SHISA9: variants seen among roughly 807,000 people sequenced by gnomAD.
SHISA9 encodes the protein shisa family member 9, also known as protein shisa-9.
Under a neutral mutation model 38.0 loss-of-function variants are expected in SHISA9, and 13 were observed. The observed-to-expected ratio is 0.34, with a 90% confidence interval of 0.22 to 0.54. The LOEUF (loss-of-function observed/expected upper bound fraction) is 0.54, where lower values mean the gene tolerates loss of function less well. Ranked by LOEUF, SHISA9 falls within the 20% of genes least tolerant of loss-of-function variation. SHISA9 has a pLI of 0.91. For missense variants in SHISA9, 538 were observed against 575.8 expected, an observed-to-expected ratio of 0.93 and a Z score of 0.67; for synonymous variants, 275 against 242.0, an observed-to-expected ratio of 1.14 and a Z score of -1.27.
chr16:13,075,355 C>T (rs1180466523), intron 2 of SHISA9, among the ~76,000 whole-genome samples: 2 of 152,226 alleles, frequency 1.3e-5, no homozygotes, highest in Admixed American at 6.5e-5. Context: ...GAGAGGCTGG[C>T]TGGCAGGAGG....
downstream of SHISA9, among the ~76,000 whole-genome samples, chr16:13,242,336 G>C (rs1183953062): frequency 2.0e-5 from 3 of 152,210 alleles, no homozygotes; most frequent in African/African-American, 7.2e-5. Context: ...GTAGATCCGA[G>C]GAGATGGGGC....
the SHISA9 span, among the ~76,000 whole-genome samples, chr16:13,456,661 A>G: frequency 1.3e-5 from 2 of 152,198 alleles, no homozygotes; most frequent in Admixed American, 1.3e-4. Flanking sequence ...AGTGTGATTT[A>G]TGATGGAGGC....
chr16:13,099,825 T>A (rs1003364203), intron 2 of SHISA9, among the ~76,000 whole-genome samples: 1 of 152,214 alleles, frequency 6.6e-6, no homozygotes, highest in Non-Finnish European at 1.5e-5. Context: ...CAAGAAGTAA[T>A]GTGATCAGAG....
the SHISA9 span, among the ~76,000 whole-genome samples, chr16:13,511,720 T>C: frequency 6.6e-6 from 1 of 151,590 alleles, no homozygotes; most frequent in Admixed American, 6.6e-5. Flanking sequence ...TGAGATAGAA[T>C]TGGAAGTTCA....
the SHISA9 span, among the ~76,000 whole-genome samples, chr16:13,353,770 A>G: frequency 6.6e-6 from 1 of 152,084 alleles, no homozygotes; most frequent in African/African-American, 2.4e-5. Flanking sequence ...GAGCTTGGTG[A>G]GGTGTGTTTT....
chr16:13,401,407 G>A, the SHISA9 span, among the ~76,000 whole-genome samples: 14 of 152,262 alleles, frequency 9.2e-5, no homozygotes, highest in East Asian at 1.4e-3. Flanking sequence ...CAAGGCCCAC[G>A]CATATTACTT....
chr16:13,055,953 A>T lies in SHISA9; in HGVS notation c.691+139138A>T, dbSNP rs116729038. Among the ~76,000 whole-genome samples the T allele has an allele frequency of 6.0e-3, 916 of 152,270 alleles. 9 individuals carry two copies. Among genetic ancestry groups the T allele is most frequent in the African/African-American group, 0.021 (881 of 41,554 alleles). ...GGGAAGTTGCCAGCTAGATGCACAG[A>T]CTGTTGCTGATGTCACACATGTGGT... is the stretch of plus-strand genomic sequence containing the variant. On this transcript the variant is annotated intron_variant, in intron 2 of 4. Transcript: ENST00000558583.
the SHISA9 span, among the ~76,000 whole-genome samples, chr16:13,466,228 T>A: frequency 6.6e-6 from 1 of 152,174 alleles, no homozygotes; most frequent in Non-Finnish European, 1.5e-5. Flanking sequence ...ACGCGGCCAC[T>A]TGGGGCTTCT....
intron 2 of SHISA9, among the ~76,000 whole-genome samples, chr16:13,099,462 A>G (rs1207265836): frequency 6.6e-6 from 1 of 152,218 alleles, no homozygotes; most frequent in Non-Finnish European, 1.5e-5. Flanking sequence ...TGTAGTTCTG[A>G]GCAGGCTGAG....
chr16:12,955,448 A>G (rs1227578893), intron 2 of SHISA9, among the ~76,000 whole-genome samples: 1 of 152,100 alleles, frequency 6.6e-6, no homozygotes, highest in African/African-American at 2.4e-5. Context: ...CCTAGAGACA[A>G]ACTCATGTCC....
chr16:13,234,343 A>G (rs993105968), intron 4 of SHISA9, among the ~76,000 whole-genome samples: 1 of 152,242 alleles, frequency 6.6e-6, no homozygotes, highest in Admixed American at 6.5e-5. Flanking sequence ...CACTTTACAC[A>G]GATCATATCA....
At chr16:12,940,094 C>A (rs2071589352) in intron 2 of SHISA9, among the ~76,000 whole-genome samples, 1 of 152,188 alleles carries the variant, frequency 6.6e-6, no homozygotes, top group Admixed American at 6.5e-5. Flanking sequence ...TTTAACCCTG[C>A]TGGGGAGGAG....
the SHISA9 span, among the ~76,000 whole-genome samples, chr16:13,272,891 C>T: frequency 7.9e-5 from 12 of 152,190 alleles, no homozygotes; most frequent in East Asian, 1.5e-3. Flanking sequence ...TTCTCTGCAA[C>T]GCTTAGACTT....
intron 2 of SHISA9, among the ~76,000 whole-genome samples, chr16:12,961,363 C>T (rs72782673): frequency 0.19 from 29,326 of 152,038 alleles, 3,478 homozygotes; most frequent in Middle Eastern, 0.35. Context: ...TTTTTCTTGA[C>T]GGCAATGGAG....
At chr16:13,163,860 T>C (rs1218173191) in intron 2 of SHISA9, among the ~76,000 whole-genome samples, 1 of 152,072 alleles carries the variant, frequency 6.6e-6, no homozygotes, top group African/African-American at 2.4e-5. Flanking sequence ...AAATCACTTA[T>C]TAGTTGTAAT....
chr16:12,973,743 T>A (rs2072116810), intron 2 of SHISA9, among the ~76,000 whole-genome samples: 2 of 152,170 alleles, frequency 1.3e-5, no homozygotes, highest in African/African-American at 4.8e-5. Flanking sequence ...TTAAGACTCC[T>A]AGAGGTGGGG....
chr16:13,160,320 A>G (rs1352947604), intron 2 of SHISA9, among the ~76,000 whole-genome samples: 1 of 151,960 alleles, frequency 6.6e-6, no homozygotes, highest in Non-Finnish European at 1.5e-5. Context: ...TGATTTGTTC[A>G]ATCAGATTTC....
the SHISA9 span, among the ~76,000 whole-genome samples, chr16:13,505,668 CA>C: frequency 1.3e-5 from 2 of 152,146 alleles, no homozygotes; most frequent in Non-Finnish European, 1.5e-5. Flanking sequence ...TGAGGTTCTT[CA>C]GGGGGACCTG....
intron 2 of SHISA9, among the ~76,000 whole-genome samples, chr16:13,057,883 T>C (rs1272891110): frequency 3.9e-5 from 6 of 152,204 alleles, no homozygotes; most frequent in East Asian, 1.9e-4. Flanking sequence ...CTCCCACTTA[T>C]GAATGAGAAC....
Sources: gnomAD v4.1 joint callset for allele counts (sites outside exome capture counted in the v4.1 genomes callset) on GRCh38, gnomAD v4.1.1 for gene constraint, MANE v1.5 for transcripts, NCBI Gene and HGNC (gene_info 2026-07-23, HGNC 2026-07-21) for gene names.